The following MUC15 variants were observed in gnomAD, a reference collection of about 807,000 sequenced individuals.
The protein encoded by MUC15 is mucin-15.
A neutral mutation model predicts 24.0 loss-of-function variants in MUC15; 23 were observed. That is an observed-to-expected ratio of 0.96 (90% confidence interval 0.69 to 1.36). The LOEUF (loss-of-function observed/expected upper bound fraction) is 1.36, where lower values mean the gene tolerates loss of function less well. Among genes scored for constraint, MUC15 ranks in the 40% most tolerant of loss-of-function variants. MUC15 has a pLI of 0.00. For missense variants in MUC15, 442 were observed against 428.2 expected, an observed-to-expected ratio of 1.03 and a Z score of -0.29; for synonymous variants, 151 against 156.3, an observed-to-expected ratio of 0.97 and a Z score of 0.25.
In MUC15 at chr11:26,560,868, A is replaced by C; in HGVS notation, c.*197T>G. 6 of 490,400 alleles carry C rather than the reference A, an allele frequency of 1.2e-5. No homozygotes were observed. Among genetic ancestry groups the C allele is most frequent in the Non-Finnish European group, 1.1e-5 (3 of 285,042 alleles). 30.4% of individuals were successfully genotyped at this position (490,400 alleles called of 1,614,324 possible). On this transcript the variant is annotated 3_prime_UTR_variant, in exon 5 of 5. Transcript: ENST00000529533. ...AAGGCTACTTAGTAAATGCCTCAGG[A>C]TGGCCAAAAATTGTAAGAAAGAAAA...
chr11:26,559,616 G>T lies in MUC15; in HGVS notation c.*1449C>A, dbSNP rs1382067177. ...ATATTTCTGTACTATAAAATAATAT[G>T]ATTCTATTTGAGAAAAAATCATAGT... On this transcript the variant is annotated 3_prime_UTR_variant, in exon 5 of 5. Transcript: ENST00000529533. 4 of 788,626 alleles carry T rather than the reference G, an allele frequency of 5.1e-6. No individual in the cohort carries two copies. Among genetic ancestry groups the T allele is most frequent in the East Asian group, 2.5e-5 (1 of 40,624 alleles). 48.9% of individuals were successfully genotyped at this position (788,626 alleles called of 1,614,324 possible).
rs1850856667 is a variant in MUC15, at chr11:26,572,213, G to T, written c.-218C>A. On this transcript the variant is annotated 5_prime_UTR_variant, in exon 1 of 5. Transcript: ENST00000529533. ...GTGGGGCTGGCTGTATCTTGCTTGT[G>T]TAACAGAGCGCCCAGGAACCTGACT... 6 of 985,476 alleles carry T rather than the reference G, an allele frequency of 6.1e-6. No homozygotes were observed. Among genetic ancestry groups the T allele is most frequent in the Non-Finnish European group, 7.2e-6 (6 of 830,052 alleles). 61.0% of individuals were successfully genotyped at this position (985,476 alleles called of 1,614,324 possible).
intron 3 of MUC15, among the ~76,000 whole-genome samples, chr11:26,563,849 G>A (rs1850402961): frequency 6.6e-6 from 1 of 151,776 alleles, no homozygotes; most frequent in South Asian, 2.1e-4. Flanking sequence ...CTAGGCCTGA[G>A]CTTACGGGAG....
At position 26,567,058 on chromosome 11, in the gene MUC15, C is replaced by T. The variant is rs910782425; in HGVS notation, c.37G>A (p.Asp13Asn). The change falls in exon 2 of 5, where the codon GAT becomes AAT. Residue 13 changes from aspartate to asparagine, a missense_variant. Transcript: ENST00000529533. ...IIQSILATSR[D>N]CYSFKKKPIP... is the part of the protein sequence containing the mutation. The stretch of plus-strand genomic sequence containing the variant: ...CATCTTATTTGATACTTACAACAAT[C>T]CCTTGATGTGGCAAGAATAGATTGT... The T allele has an allele frequency of 6.6e-7, 1 of 1,508,846 alleles. No individual in the cohort carries two copies. The highest frequency in any genetic ancestry group is 8.9e-7 in the Non-Finnish European group (1 of 1,123,560). The allele number at this position is 1,508,846 out of a possible 1,614,324, so 93.5% of individuals were successfully genotyped here.
In MUC15 at chr11:26,561,130, T is replaced by C. The variant is rs762790051; in HGVS notation, c.1021A>G (p.Ser341Gly). Residue 341 changes from serine (S) to glycine (G), a missense_variant, in exon 5 of 5, where the codon AGT becomes GGT. Transcript: ENST00000529533. ...ATGCCATCACGTGCATTTTCTTCAC[T>C]TTCTGGCATGGCTGAATCATTCAAA... ...PTLNDSAMPE[S>G]EENARDGIPM... 3 of 1,612,838 alleles carry C rather than the reference T, an allele frequency of 1.9e-6. No homozygotes were observed. The highest frequency in any genetic ancestry group is 2.5e-6 in the Non-Finnish European group (3 of 1,179,320).
In MUC15 at chr11:26,560,176, G is replaced by A. The variant is rs969584512; in HGVS notation, c.*889C>T. 1.2e-5 allele frequency: 2 copies of A among 166,776 alleles called. No homozygotes were observed. The highest frequency in any genetic ancestry group is 4.8e-5 in the African/African-American group (2 of 41,860). The allele number at this position is 166,776 out of a possible 1,614,324, so 10.3% of individuals were successfully genotyped here. A position where few individuals can be genotyped will look rare whatever the true frequency, so the allele number is the denominator to read the frequency against. ...TTTAACCTTATGGTTCATACATTTA[G>A]GGATGCAGAATCTATTCCATTATGA... On this transcript the variant is annotated 3_prime_UTR_variant, in exon 5 of 5. Transcript: ENST00000529533.
chr11:26,569,064 A>G (rs1001055014), intron 1 of MUC15, among the ~76,000 whole-genome samples: 36 of 151,996 alleles, frequency 2.4e-4, no homozygotes, highest in African/African-American at 8.0e-4. Context: ...TATGTGAGAG[A>G]CATGGCATTG....
chr11:26,559,682 T>G lies in MUC15; in HGVS notation c.*1383A>C. On this transcript the variant is annotated 3_prime_UTR_variant, in exon 5 of 5. Transcript: ENST00000529533. ...GTATTCACTGGCTTATTATAATCAA[T>G]TTGCATGACTAATATTTCTGTTTGT... 6.7e-7 allele frequency: 1 copy of G among 1,487,258 alleles called. No individual in the cohort carries two copies. Among genetic ancestry groups the G allele is most frequent in the Non-Finnish European group, 9.4e-7 (1 of 1,065,208 alleles). 92.1% of individuals were successfully genotyped at this position (1,487,258 alleles called of 1,614,324 possible).
chr11:26,563,078 C>A (rs444178), intron 4 of MUC15, 38 bp downstream of exon 4: 1,037,052 of 1,598,518 alleles, frequency 0.65, 339,418 homozygotes, highest in Admixed American at 0.78. Context: ...TTAATTAAAA[C>A]CACTGTGCCC....
Position 26,565,845 on chromosome 11 carries a change from G to T in MUC15, c.95C>A (p.Ala32Asp), listed in dbSNP as rs956299029. The change falls in exon 3 of 5, where the codon GCC becomes GAC. Residue 32 changes from alanine to aspartate, a missense_variant. Ala to Asp is a moderately radical substitution (Grantham distance 126). Transcript: ENST00000529533. Reference protein sequence around the residue: ...IPKKPTMLALAKILLISTLFY... With the variant: ...IPKKPTMLALDKILLISTLFY... ...CAACGTTGAAATCAACAGAATTTTG[G>T]CTAAGGCCAACATTGTAGGCTTCTT... is the stretch of plus-strand genomic sequence containing the variant. The T allele has an allele frequency of 6.2e-7, 1 of 1,612,424 alleles. No individual in the cohort carries two copies. Among genetic ancestry groups the T allele is most frequent in the African/African-American group, 1.3e-5 (1 of 74,868 alleles).
chr11:26,559,846 A>C lies in MUC15; in HGVS notation c.*1219T>G. ...AGCTGTTTCTGTGTTACACACACAC[A>C]CACACACACACACACACACACACAC... is the stretch of plus-strand genomic sequence containing the variant. On this transcript the variant is annotated 3_prime_UTR_variant, in exon 5 of 5. Transcript: ENST00000529533. 1 of 807,884 alleles carries C rather than the reference A, an allele frequency of 1.2e-6. No homozygotes were observed. The allele number at this position is 807,884 out of a possible 1,614,324, so 50.0% of individuals were successfully genotyped here.
At position 26,560,306 on chromosome 11, in the gene MUC15, C is replaced by A. The variant is rs1409605372; in HGVS notation, c.*759G>T. The A allele has an allele frequency of 1.3e-5, 2 of 151,298 alleles. No individual in the cohort carries two copies. The highest frequency in any genetic ancestry group is 4.9e-5 in the African/African-American group (2 of 41,162). 9.4% of individuals were successfully genotyped at this position (151,298 alleles called of 1,614,324 possible). On this transcript the variant is annotated 3_prime_UTR_variant, in exon 5 of 5. Coordinates refer to ENST00000529533, the MANE Select transcript of MUC15 (RefSeq NM_001135091.2). ...TTCTTTGGTTAACTTTTTTTTTTTA[C>A]CATGATTCTCATTGAGTTTTTAAGG...
chr11:26,569,533 C>T (rs1850735244), intron 1 of MUC15, among the ~76,000 whole-genome samples: 1 of 152,008 alleles, frequency 6.6e-6, no homozygotes, highest in South Asian at 2.1e-4. Flanking sequence ...ATCCGTTATT[C>T]AGAACCCCAC....
At chr11:26,570,078 A>C (rs944280826) in intron 1 of MUC15, among the ~76,000 whole-genome samples, 1 of 152,140 alleles carries the variant, frequency 6.6e-6, no homozygotes, top group African/African-American at 2.4e-5. Context: ...GAGGATTTCC[A>C]GTTCCTTTGT....
rs1249038345 is a variant in MUC15 at position 26,565,551 on chromosome 11, G to T, written c.389C>A (p.Thr130Lys). ...AEHSLGSLKP[T>K]STISTSPPLI... ...GGGAGGGCTTGTGGAAATGGTAGAT[G>T]TGGGTTTTAGACTGCCCAAAGAATG... Residue 130 changes from threonine to lysine, a missense_variant, in exon 3 of 5, where the codon ACA becomes AAA. Thr to Lys is a moderately conservative substitution (Grantham distance 78). Transcript: ENST00000529533. 2 of 1,613,356 alleles carry T rather than the reference G, an allele frequency of 1.2e-6. No individual in the cohort carries two copies. The highest frequency in any genetic ancestry group is 2.2e-5 in the South Asian group (2 of 91,064).
intron 1 of MUC15, among the ~76,000 whole-genome samples, chr11:26,568,758 C>T (rs1460251549): frequency 6.6e-6 from 1 of 151,920 alleles, no homozygotes; most frequent in Non-Finnish European, 1.5e-5. Context: ...GATGCCTCAC[C>T]TAGTGTGTTT....
In MUC15 at chr11:26,565,247, A is replaced by G. The variant is rs1163874863; in HGVS notation, c.693T>C (p.Tyr231=). The change falls in exon 3 of 5, where the codon TAT becomes TAC. Residue 231 remains tyrosine, a synonymous_variant. Transcript: ENST00000529533. ...NSDSFTGFTP[Y]QEKTTLQPTL... Reference sequence around the variant, plus strand: ...TAGGCTGTAGAGTTGTTTTTTCTTGATAAGGGGTAAACCCAGTGAAGCTAT... The same window carrying G: ...TAGGCTGTAGAGTTGTTTTTTCTTGGTAAGGGGTAAACCCAGTGAAGCTAT... The G allele has an allele frequency of 6.4e-7, 1 of 1,550,992 alleles. No individual in the cohort carries two copies.
At chr11:26,571,189 G>T (rs1850810464) in intron 1 of MUC15, among the ~76,000 whole-genome samples, 2 of 152,114 alleles carry the variant, frequency 1.3e-5, no homozygotes, top group African/African-American at 4.8e-5. Flanking sequence ...AAGAAAGAAA[G>T]TTTCTCCGAA....
intron 3 of MUC15, among the ~76,000 whole-genome samples, chr11:26,564,692 T>TACACAC (rs370277580): frequency 2.7e-4 from 11 of 41,114 alleles, no homozygotes; most frequent in African/African-American, 3.5e-4. Flanking sequence ...CTCATATATA[T>TACACAC]ACACACACAC....
Sources: allele counts gnomAD v4.1 joint callset (sites outside exome capture counted in the v4.1 genomes callset), GRCh38; gene constraint gnomAD v4.1.1; transcripts MANE v1.5; gene names NCBI Gene and HGNC (gene_info 2026-07-23, HGNC 2026-07-21).